PCDHGA6: variants seen among roughly 807,000 people sequenced by gnomAD.
The protein encoded by PCDHGA6 is protocadherin gamma subfamily A, 6.
PCDHGA6 carries 41 observed loss-of-function variants against 60.6 expected under a neutral mutation model. The ratio of observed to expected loss-of-function variants is 0.68; its 90% CI spans 0.53 to 0.88. PCDHGA6 has a LOEUF of 0.88. Ranked by LOEUF, PCDHGA6 falls within the 40% of genes least tolerant of loss-of-function variation. The probability of loss-of-function intolerance (pLI) is 0.00; values close to 1 mark genes in which losing one functional copy is unlikely to be tolerated. For missense variants in PCDHGA6, 1,312 were observed against 1,203.0 expected (o/e 1.09, Z -1.34); for synonymous variants, 594 against 524.4 (o/e 1.13, Z -1.81).
intron 1 of PCDHGA6, chr5:141,378,642 C>T (rs780445527): frequency 5.9e-5 from 9 of 152,098 alleles, no homozygotes; most frequent in Non-Finnish European, 1.3e-4. Context: ...AATGGGAGAA[C>T]AAATGTTAAT....
intron 1 of PCDHGA6, chr5:141,418,422 G>A: frequency 6.2e-7 from 1 of 1,613,996 alleles, no homozygotes; most frequent in East Asian, 2.2e-5. Context: ...AATCCTGATG[G>A]TGGCAAATAT....
chr5:141,400,081 G>A lies in PCDHGA6; in HGVS notation c.2424+23574G>A, dbSNP rs763547099. 3.7e-6 allele frequency: 6 copies of A among 1,613,902 alleles called. No homozygotes were observed. The highest frequency in any genetic ancestry group is 3.3e-5 in the Admixed American group (2 of 60,010). On this transcript the variant is annotated intron_variant, in intron 1 of 3. Transcript: ENST00000517434. ...TGATGGTGGACAGCCGCCACTCTCC[G>A]CCACCGCCACGCTGCACTTGGTCTT...
At chr5:141,467,344 C>A (rs2099142230) in intron 1 of PCDHGA6, among the ~76,000 whole-genome samples, 1 of 152,122 alleles carries the variant, frequency 6.6e-6, no homozygotes, top group South Asian at 2.1e-4. Flanking sequence ...TAAGCCACTG[C>A]CCCCGGCCAA....
chr5:141,476,766 T>C lies in PCDHGA6; in HGVS notation c.2425-18041T>C. ...AGTCTCCAGTTAGTGCTGACGGCGT[T>C]GGACGGAGGGACCCCAGCTCTCTCC... On this transcript the variant is annotated intron_variant, in intron 1 of 3. Coordinates refer to ENST00000517434, the MANE Select transcript of PCDHGA6 (RefSeq NM_018919.3). This position sits in a 1 kb window ranked among gnomAD's most constrained non-coding sequence, Gnocchi z 7.6. The C allele has an allele frequency of 1.9e-6, 3 of 1,613,626 alleles. No individual in the cohort carries two copies. The highest frequency in any genetic ancestry group is 2.5e-6 in the Non-Finnish European group (3 of 1,179,952).
chr5:141,400,863 T>G (rs370697957), intron 1 of PCDHGA6, among the ~76,000 whole-genome samples: 1 of 152,250 alleles, frequency 6.6e-6, no homozygotes. Context: ...TGTATGTAGA[T>G]AAACCATTAA....
At position 141,374,073 on chromosome 5, in the gene PCDHGA6, A is replaced by G. The variant is rs1201568464; in HGVS notation, c.-11A>G. 2.6e-6 allele frequency: 4 copies of G among 1,510,034 alleles called. No individual in the cohort carries two copies. The highest frequency in any genetic ancestry group is 2.7e-6 in the Non-Finnish European group (3 of 1,130,878). The allele number at this position is 1,510,034 out of a possible 1,614,324, so 93.5% of individuals were successfully genotyped here. A position where few individuals can be genotyped will look rare whatever the true frequency, so the allele number is the denominator to read the frequency against. On this transcript the variant is annotated 5_prime_UTR_variant, in exon 1 of 4. Transcript: ENST00000517434. ...CTTCTTAATCCCAGAGAAGTTCCTA[A>G]TAAGCCAGTAATGGCGCCTCCGCAG...
intron 1 of PCDHGA6, chr5:141,422,047 A>G: frequency 6.2e-7 from 1 of 1,611,610 alleles, no homozygotes; most frequent in Non-Finnish European, 8.5e-7. Context: ...AGACGAGGGA[A>G]TCAACGGGGA....
intron 1 of PCDHGA6, chr5:141,384,902 T>A: frequency 3.1e-6 from 5 of 1,613,898 alleles, no homozygotes; most frequent in Non-Finnish European, 4.2e-6. Flanking sequence ...GCTGACAGCA[T>A]CCCCGAAGTC....
At chr5:141,414,476 C>T (rs1242647918) in intron 1 of PCDHGA6, 1 of 1,613,802 alleles carries the variant, frequency 6.2e-7, no homozygotes, top group African/African-American at 1.3e-5. Flanking sequence ...GGGGGAAGTC[C>T]TCCTCTATCA....
intron 1 of PCDHGA6, among the ~76,000 whole-genome samples, chr5:141,466,351 A>G (rs897901821): frequency 6.6e-6 from 1 of 152,050 alleles, no homozygotes; most frequent in African/African-American, 2.4e-5. Context: ...TTTTGCAGCT[A>G]ATCTAGATGT....
intron 1 of PCDHGA6, among the ~76,000 whole-genome samples, chr5:141,434,029 A>C (rs970204484): frequency 2.6e-5 from 4 of 152,126 alleles, no homozygotes; most frequent in Admixed American, 2.6e-4. Context: ...TTCTGGAAGC[A>C]TGGTTTTCTA....
intron 1 of PCDHGA6, chr5:141,392,926 A>G (rs1180746876): frequency 9.3e-6 from 15 of 1,613,946 alleles, no homozygotes; most frequent in Non-Finnish European, 1.3e-5. Context: ...GTGCCAGAAG[A>G]GACGGACAAA....
intron 1 of PCDHGA6, among the ~76,000 whole-genome samples, chr5:141,492,949 A>G (rs1470301496): frequency 6.6e-6 from 1 of 152,226 alleles, no homozygotes; most frequent in African/African-American, 2.4e-5. Flanking sequence ...GGAGGTGACC[A>G]AACTATCTGA....
In PCDHGA6 at chr5:141,375,741, T is replaced by C. The variant is rs1374220780; in HGVS notation, c.1658T>C (p.Leu553Pro). The C allele has an allele frequency of 1.9e-6, 3 of 1,614,246 alleles. No individual in the cohort carries two copies. The highest frequency in any genetic ancestry group is 2.2e-5 in the South Asian group (2 of 91,092). ...AACGTGTCACTGAGCCTGTTTGTGC[T>C]GGACCAGAATGACAATGCGCCCGAG... is the stretch of plus-strand genomic sequence containing the variant. ...SSNVSLSLFV[L>P]DQNDNAPEIL... The change falls in exon 1 of 4, where the codon CTG becomes CCG. Residue 553 changes from leucine (L) to proline (P), a missense_variant. Transcript: ENST00000517434.
chr5:141,405,858 T>C (rs2094727577), intron 1 of PCDHGA6, among the ~76,000 whole-genome samples: 1 of 152,200 alleles, frequency 6.6e-6, no homozygotes, highest in Non-Finnish European at 1.5e-5. Flanking sequence ...GTGTTTCTCA[T>C]CACTTTTCAC....
At chr5:141,506,923 C>T (rs1414595306) in intron 3 of PCDHGA6, among the ~76,000 whole-genome samples, 4 of 152,184 alleles carry the variant, frequency 2.6e-5, no homozygotes, top group African/African-American at 9.7e-5. Context: ...ACATACTAAA[C>T]AAACTTTAGG....
chr5:141,478,127 C>T (rs1323163663), intron 1 of PCDHGA6: 1 of 1,613,988 alleles, frequency 6.2e-7, no homozygotes, highest in Admixed American at 1.7e-5. Flanking sequence ...CGAGGACTCT[C>T]CTGAAGCCCG....
At position 141,511,319 on chromosome 5, in the gene PCDHGA6, C is replaced by T. The variant is rs2099883711; in HGVS notation, c.*146C>T. On this transcript the variant is annotated 3_prime_UTR_variant, in exon 4 of 4. Coordinates refer to ENST00000517434, the MANE Select transcript of PCDHGA6 (RefSeq NM_018919.3). ...CCATGCTCCCCTTGGGAAACAGAAA[C>T]AAGTGCCCAGTCAGCACCTACCCCT... 1.4e-6 allele frequency: 2 copies of T among 1,477,302 alleles called. No homozygotes were observed. The highest frequency in any genetic ancestry group is 1.4e-5 in the African/African-American group (1 of 70,920). 91.5% of individuals were successfully genotyped at this position (1,477,302 alleles called of 1,614,324 possible).
At chr5:141,423,758 G>GGGC (rs1554116874) in intron 1 of PCDHGA6, 82 of 366,752 alleles carry the variant, frequency 2.2e-4, no homozygotes, top group Middle Eastern at 4.2e-4. Context: ...TTTGGGGGGG[G>GGGC]GGTGGGGCGG....
Sources: allele counts gnomAD v4.1 joint callset (sites outside exome capture counted in the v4.1 genomes callset), GRCh38; gene constraint gnomAD v4.1.1; non-coding constraint Gnocchi (gnomAD v3.1); transcripts MANE v1.5; gene names NCBI Gene and HGNC (gene_info 2026-07-23, HGNC 2026-07-21).